SMAD4: variants seen among roughly 807,000 people sequenced by gnomAD.
SMAD4 encodes the protein SMAD family member 4.
A neutral mutation model predicts 63.2 loss-of-function variants in SMAD4; 7 were observed. The observed-to-expected ratio is 0.11, with a 90% CI of 0.06 to 0.21. The LOEUF (loss-of-function observed/expected upper bound fraction) is 0.21, where lower values mean the gene tolerates loss of function less well. Among genes scored for constraint, SMAD4 ranks in the 10% least tolerant of loss-of-function variants. The pLI is 1.00. For synonymous variants in SMAD4, 215 were observed against 235.4 expected (o/e 0.91, Z 0.79); for missense variants, 312 against 693.8 (o/e 0.45, Z 6.18).
intron 1 of SMAD4, among the ~76,000 whole-genome samples, chr18:51,044,497 A>G (rs1909480333): frequency 6.6e-6 from 1 of 152,144 alleles, no homozygotes; most frequent in Non-Finnish European, 1.5e-5. Flanking sequence ...GGCTCAGGTG[A>G]TCTTCCAGTC....
chr18:51,046,437 G>GTTT (rs35325456), intron 1 of SMAD4, among the ~76,000 whole-genome samples: 2 of 141,106 alleles, frequency 1.4e-5, no homozygotes, highest in African/African-American at 2.6e-5. Flanking sequence ...CTAAATTGGG[G>GTTT]TTTTTTTTTT....
chr18:51,045,403 A>G (rs1046661310), intron 1 of SMAD4, among the ~76,000 whole-genome samples: 3 of 152,224 alleles, frequency 2.0e-5, no homozygotes, highest in Admixed American at 6.5e-5. Context: ...AAACAAGCAC[A>G]CAAAGTACAG....
intron 10 of SMAD4, among the ~76,000 whole-genome samples, chr18:51,073,386 T>TATATATATATACAC: frequency 2.4e-5 from 2 of 82,062 alleles, no homozygotes; most frequent in African/African-American, 1.1e-4. Flanking sequence ...TATATATATA[T>TATATATATATACAC]ATACACACAC....
intron 1 of SMAD4, among the ~76,000 whole-genome samples, chr18:51,038,853 A>G (rs937435566): frequency 1.3e-5 from 2 of 152,246 alleles, no homozygotes; most frequent in African/African-American, 4.8e-5. Context: ...ATCAATGTAT[A>G]TAGCCCGCAT....
chr18:51,079,965 GTT>G lies in SMAD4; in HGVS notation c.*1511_*1512del, dbSNP rs755827115. 34 of 201,820 alleles carry G rather than the reference GTT, an allele frequency of 1.7e-4. No homozygotes were observed. Among genetic ancestry groups the G allele is most frequent in the East Asian group, 2.2e-4 (3 of 13,824 alleles). The allele number at this position is 201,820 out of a possible 1,614,324, so 12.5% of individuals were successfully genotyped here. On this transcript the variant is annotated 3_prime_UTR_variant, in exon 12 of 12. Transcript: ENST00000342988. ...ACATTGTGTATCATGTGTAGAGTTGGTTTTTTTTTTTTTTAATTTTTATTTTA... is the reference window on the plus strand; with the variant it reads ...ACATTGTGTATCATGTGTAGAGTTGGTTTTTTTTTTTTAATTTTTATTTTA...
In SMAD4 at chr18:51,081,191, T is replaced by C. The variant is rs945616802; in HGVS notation, c.*2724T>C. ...TATGTCTACTTTAAGGGTAAAATTA[T>C]GAGGTTATGGTTCTGGGTGGGTTTT... On this transcript the variant is annotated 3_prime_UTR_variant, in exon 12 of 12. Coordinates refer to ENST00000342988, the MANE Select transcript of SMAD4 (RefSeq NM_005359.6). 1 of 223,190 alleles carries C rather than the reference T, an allele frequency of 4.5e-6. No homozygotes were observed. The highest frequency in any genetic ancestry group is 8.9e-6 in the Non-Finnish European group (1 of 112,008). 13.8% of individuals were successfully genotyped at this position (223,190 alleles called of 1,614,324 possible).
chr18:51,040,677 A>T (rs1292284836), intron 1 of SMAD4, among the ~76,000 whole-genome samples: 1 of 152,210 alleles, frequency 6.6e-6, no homozygotes, highest in Non-Finnish European at 1.5e-5. Flanking sequence ...TAGTTTGGTT[A>T]TTTGGCTTTC....
chr18:51,073,388 T>TATATACACACACACAC (rs1417299090), intron 10 of SMAD4, among the ~76,000 whole-genome samples: 1 of 64,158 alleles, frequency 1.6e-5, no homozygotes, highest in South Asian at 5.9e-4. Context: ...TATATATATA[T>TATATACACACACACAC]ACACACACAC....
intron 1 of SMAD4, among the ~76,000 whole-genome samples, chr18:51,041,750 C>CT (rs1253641626): frequency 4.6e-5 from 7 of 152,196 alleles, no homozygotes; most frequent in Non-Finnish European, 1.0e-4. Context: ...CTTTGTCAGT[C>CT]TAATTTCTGA....
In SMAD4 at chr18:51,034,667, C is replaced by T. The variant is rs749200063; in HGVS notation, c.-128+4044C>T. The stretch of plus-strand genomic sequence containing the variant: ...TCAAGCAATCCCACTTCAGCTGCTG[C>T]GGTAGCTGGGACTACAGGCACACAC... On this transcript the variant is annotated intron_variant, in intron 1 of 11. Transcript: ENST00000342988. Among the ~76,000 whole-genome samples, 54 of 152,242 alleles carry T rather than the reference C, an allele frequency of 3.5e-4. 1 individual carries two copies. In the Middle Eastern group the frequency reaches 0.01, roughly 29 times the overall value.
chr18:51,073,575 G>T (rs987809306), intron 10 of SMAD4, among the ~76,000 whole-genome samples: 3 of 151,750 alleles, frequency 2.0e-5, no homozygotes, highest in Admixed American at 2.0e-4. Flanking sequence ...CTGTTGCCCA[G>T]GCTGGAGTGC....
chr18:51,078,513 A>G lies in SMAD4; in HGVS notation c.*46A>G, dbSNP rs1272286495. ...CTTAACCTTATCAGGATGGTGGACT[A>G]CAAAATACAATCCTGTTTATAATCT... On this transcript the variant is annotated 3_prime_UTR_variant, in exon 12 of 12. Coordinates refer to ENST00000342988, the MANE Select transcript of SMAD4 (RefSeq NM_005359.6). 9.9e-6 allele frequency: 12 copies of G among 1,212,774 alleles called. No individual in the cohort carries two copies. Among genetic ancestry groups the G allele is most frequent in the East Asian group, 2.3e-5 (1 of 42,940 alleles). 75.1% of individuals were successfully genotyped at this position (1,212,774 alleles called of 1,614,324 possible). A position where few individuals can be genotyped will look rare whatever the true frequency, so the allele number is the denominator to read the frequency against.
At position 51,060,444 on chromosome 18, in the gene SMAD4, A is replaced by G. The variant is rs771661453; in HGVS notation, c.955+528A>G. 1.3e-4 allele frequency among the ~76,000 whole-genome samples: 20 copies of G among 152,198 alleles called. 1 individual carries two copies. Among genetic ancestry groups the G allele is most frequent in the Non-Finnish European group, 2.8e-4 (19 of 68,034 alleles). Reference sequence around the variant, plus strand: ...GGTAATAAAACAGAAAACACTTGAAAATAAAATACTGAAAGTCCCTTGTAA... The same window carrying G: ...GGTAATAAAACAGAAAACACTTGAAGATAAAATACTGAAAGTCCCTTGTAA... On this transcript the variant is annotated intron_variant, in intron 8 of 11. Transcript: ENST00000342988.
chr18:51,030,818 G>T (rs1909024690), intron 1 of SMAD4, among the ~76,000 whole-genome samples, 195 bp downstream of exon 1: 1 of 151,702 alleles, frequency 6.6e-6, no homozygotes, highest in African/African-American at 2.4e-5. Flanking sequence ...CCGGGCGGCG[G>T]TGCCTCGCGT....
intron 1 of SMAD4, among the ~76,000 whole-genome samples, chr18:51,031,004 ATTGT>A (rs1417650942): frequency 1.3e-5 from 2 of 152,036 alleles, no homozygotes; most frequent in African/African-American, 4.8e-5. Context: ...AAAGTTGTAA[ATTGT>A]TTGTCTAAAT....
chr18:51,048,534 A>C, intron 2 of SMAD4, 152 bp from the exon 3 acceptor site: 159 of 680,326 alleles, frequency 2.3e-4, no homozygotes, highest in Middle Eastern at 3.4e-4. Flanking sequence ...GATGTATGAC[A>C]TGGCCAAGTT....
chr18:51,052,678 A>C (rs1180612839), intron 4 of SMAD4: 2 of 277,112 alleles, frequency 7.2e-6, no homozygotes, highest in African/African-American at 4.5e-5. Context: ...AAAGGTATAC[A>C]GTGAAAAGAA....
At chr18:51,043,414 T>G (rs1909447201) in intron 1 of SMAD4, among the ~76,000 whole-genome samples, 1 of 152,180 alleles carries the variant, frequency 6.6e-6, no homozygotes, top group Non-Finnish European at 1.5e-5. Flanking sequence ...TTGAGAGAGA[T>G]GTTAACATTC....
At chr18:51,032,871 GT>G (rs542096867) in intron 1 of SMAD4, among the ~76,000 whole-genome samples, 46 of 152,176 alleles carry the variant, frequency 3.0e-4, no homozygotes, top group African/African-American at 1.1e-3. Flanking sequence ...TTTTGTCGAT[GT>G]TTAAACTTAG....
Sources: allele counts gnomAD v4.1 joint callset (sites outside exome capture counted in the v4.1 genomes callset), GRCh38; gene constraint gnomAD v4.1.1; transcripts MANE v1.5; gene names NCBI Gene and HGNC (gene_info 2026-07-23, HGNC 2026-07-21).